The following SHC1 variants were observed in gnomAD, a reference collection of about 807,000 sequenced individuals.
SHC1 encodes the protein SHC-transforming protein 1.
In SHC1, 30 loss-of-function variants were observed where a neutral mutation model predicts 55.9. That is an observed-to-expected ratio of 0.54 (90% CI 0.40 to 0.73). SHC1 has a LOEUF of 0.73. Ranked by LOEUF, SHC1 falls within the 30% of genes least tolerant of loss-of-function variation. SHC1 has a pLI of 0.00. For synonymous variants in SHC1, 309 were observed against 306.1 expected (o/e 1.01, Z -0.10); for missense variants, 675 against 777.1 (o/e 0.87, Z 1.56).
chr1:154,971,176 G>T (rs934390213), upstream of SHC1, among the ~76,000 whole-genome samples: 5 of 152,024 alleles, frequency 3.3e-5, no homozygotes, highest in African/African-American at 1.2e-4. Context: ...TTGGACACTC[G>T]AATTCCCCCA....
chr1:154,972,482 G>A (rs756296402), upstream of SHC1, among the ~76,000 whole-genome samples: 3 of 152,002 alleles, frequency 2.0e-5, no homozygotes, highest in Non-Finnish European at 4.4e-5. Flanking sequence ...GCCAGCTCTC[G>A]GGCATAGAGA....
chr1:154,968,959 A>T (rs1656381751), intron 2 of SHC1, 125 bp from the exon 3 acceptor site: 1 of 827,684 alleles, frequency 1.2e-6, no homozygotes, highest in African/African-American at 1.7e-5. Flanking sequence ...GCTCTTTGTC[A>T]TGGTGGATTG....
At chr1:154,964,308 G>A (rs532782499) in intron 11 of SHC1, 8 of 471,054 alleles carry the variant, frequency 1.7e-5, no homozygotes, top group South Asian at 1.2e-4. Flanking sequence ...GGCCGAGGGA[G>A]GCGGATCACT....
intron 1 of SHC1, 36 bp downstream of exon 1, chr1:154,969,996 G>T (rs1012656158): frequency 1.2e-6 from 2 of 1,609,940 alleles, no homozygotes; most frequent in Non-Finnish European, 1.7e-6. Flanking sequence ...ACTGGAGGGG[G>T]TCTGCGGGGG....
intron 2 of SHC1, 107 bp from the exon 3 acceptor site, chr1:154,968,941 C>T (rs1656379699): frequency 3.2e-6 from 3 of 927,524 alleles, no homozygotes; most frequent in South Asian, 1.3e-5. Flanking sequence ...ACTCCCAGGG[C>T]ACTCCAGGCT....
upstream of SHC1, among the ~76,000 whole-genome samples, chr1:154,971,004 GGAA>G (rs1438248536): frequency 6.6e-6 from 1 of 152,130 alleles, no homozygotes; most frequent in East Asian, 1.9e-4. Flanking sequence ...GGGACGGAAA[GGAA>G]GGAGATAGGA....
In SHC1 at chr1:154,966,454, G is replaced by A; in HGVS notation, c.1047C>T (p.Tyr349=). ...GTTCCTTCCCCGGGAAGTCATTATA[G>A]TACTGATGGTCAGGTGGCTCTTCCT... The part of the protein sequence containing the change: ...EEEEEPPDHQ[Y]YNDFPGKEPP... The change falls in exon 8 of 12, where the codon TAC becomes TAT. Residue 349 remains tyrosine, a synonymous_variant. Transcript: ENST00000448116. 1 of 1,612,252 alleles carries A rather than the reference G, an allele frequency of 6.2e-7. No individual in the cohort carries two copies. Among genetic ancestry groups the A allele is most frequent in the Non-Finnish European group, 8.5e-7 (1 of 1,179,092 alleles).
intron 11 of SHC1, 116 bp downstream of exon 11, chr1:154,965,427 T>C (rs1319602694): frequency 8.1e-6 from 13 of 1,612,366 alleles, no homozygotes; most frequent in African/African-American, 4.0e-5. Context: ...GAGAGGCCCA[T>C]AGACAGCTGC....
intron 10 of SHC1, 82 bp from the exon 11 acceptor site, chr1:154,965,863 G>C: frequency 6.4e-7 from 1 of 1,574,626 alleles, no homozygotes; most frequent in Non-Finnish European, 8.7e-7. Context: ...GGGAAGTCAG[G>C]AAGGAAAGAG....
chr1:154,967,832 C>T, intron 6 of SHC1, 35 bp from the exon 7 acceptor site: 1 of 1,611,384 alleles, frequency 6.2e-7, no homozygotes, highest in Non-Finnish European at 8.5e-7. Context: ...GTGAGCTGAG[C>T]CCACTGGGAG....
chr1:154,970,199 C>T lies in SHC1; in HGVS notation c.328G>A (p.Asp110Asn), dbSNP rs1442029141. The T allele has an allele frequency of 6.2e-7, 1 of 1,613,804 alleles. No individual in the cohort carries two copies. Among genetic ancestry groups the T allele is most frequent in the Non-Finnish European group, 8.5e-7 (1 of 1,179,942 alleles). ...PDSGPLPLLQ[D>N]MNKLSGGGGR... ...CCGCCTCCACTCAGCTTGTTCATGT[C>T]CTGGAGGAGGGGTAGGGGGCCTGAG... is the stretch of plus-strand genomic sequence containing the variant. The change falls in exon 1 of 12, where the codon GAC (aspartate) becomes AAC (asparagine). Residue 110 changes from aspartate (D) to asparagine (N), a missense_variant. This residue lies in a region of SHC1 where 156 missense variants were observed against 159.1 expected (regional missense o/e 0.98). Coordinates refer to ENST00000448116, the MANE Select transcript of SHC1 (RefSeq NM_001130040.2). This position sits in a 1 kb window ranked among gnomAD's most constrained non-coding sequence, Gnocchi z 5.5.
In SHC1 at chr1:154,970,439, G is replaced by A. The variant is rs781296333; in HGVS notation, c.88C>T (p.Pro30Ser). ...GATGGGGAAGGCAGCTCCTCCGGGG[G>A]GGTGGACCCAGAAGCCCCTTCCTCC... ...SLEEGASGSTPPEELPSPSAS... is the reference protein window; with the variant it reads ...SLEEGASGSTSPEELPSPSAS... Residue 30 changes from proline (P) to serine (S), a missense_variant, in exon 1 of 12, where the codon CCC becomes TCC. By Grantham distance (74) the Pro-to-Ser change is moderately conservative (BLOSUM62 -1). Coordinates refer to ENST00000448116, the MANE Select transcript of SHC1 (RefSeq NM_001130040.2). The surrounding 1 kb of genome is among the most constrained non-coding windows in gnomAD (Gnocchi z 5.5). The A allele has an allele frequency of 1.9e-6, 3 of 1,611,088 alleles. No individual in the cohort carries two copies. Among genetic ancestry groups the A allele is most frequent in the South Asian group, 2.2e-5 (2 of 90,846 alleles).
At chr1:154,972,914 T>TA (rs200170115), upstream of SHC1, among the ~76,000 whole-genome samples, 997 of 144,158 alleles carry the variant, frequency 6.9e-3, 11 homozygotes, top group African/African-American at 0.021. Context: ...AACTGTCCCT[T>TA]AAAAAAAAAA....
rs1656654366 is a variant in SHC1, at chr1:154,970,679, C to T, written c.-153G>A. 3.5e-5 allele frequency: 20 copies of T among 568,772 alleles called. No individual in the cohort carries two copies. In the South Asian group the frequency reaches 4.4e-4, roughly 12 times the overall value. The allele number at this position is 568,772 out of a possible 1,614,324, so 35.2% of individuals were successfully genotyped here. On this transcript the variant is annotated 5_prime_UTR_variant, in exon 1 of 12. Coordinates refer to ENST00000448116, the MANE Select transcript of SHC1 (RefSeq NM_001130040.2). This position sits in a 1 kb window ranked among gnomAD's most constrained non-coding sequence, Gnocchi z 5.5. ...CCTGGGGAGGGAGAGGGACAAGTGG[C>T]TTCCGCTCCCCAGCTCAGACCCAGA... is the stretch of plus-strand genomic sequence containing the variant.
In SHC1 at chr1:154,968,012, G is replaced by C; in HGVS notation, c.824C>G (p.Ala275Gly). The C allele has an allele frequency of 1.9e-6, 3 of 1,614,124 alleles. No individual in the cohort carries two copies. The highest frequency in any genetic ancestry group is 2.5e-6 in the Non-Finnish European group (3 of 1,180,008). Residue 275 changes from alanine (A) to glycine (G), a missense_variant, in exon 6 of 12, where the codon GCC becomes GGC. Ala to Gly is a moderately conservative substitution (Grantham distance 60). Transcript: ENST00000448116. ...ATTCACAGGGTCTTTGGCAACATAG[G>C]CGACATACTCGGCTGTGTCCTGGGG... ...GGDPDTAEYVAYVAKDPVNQR... is the reference protein window; with the variant it reads ...GGDPDTAEYVGYVAKDPVNQR...
Position 154,968,624 on chromosome 1 carries a change from G to A in SHC1, c.631-10C>T, listed in dbSNP as rs748098800. ...GCGGGCGGCTACAGGGCTAAGGTAG[G>A]GCCCAGGGTCTCAGAAGGTGAGGGT... On this transcript the variant is annotated splice_polypyrimidine_tract_variant and intron_variant, in intron 3 of 11. Transcript: ENST00000448116. 6.2e-7 allele frequency: 1 copy of A among 1,614,018 alleles called. No homozygotes were observed. Among genetic ancestry groups the A allele is most frequent in the Admixed American group, 1.7e-5 (1 of 60,008 alleles).
In SHC1 at chr1:154,970,664, G is replaced by C. The variant is rs1656652261; in HGVS notation, c.-138C>G. 1.7e-6 allele frequency: 1 copy of C among 599,366 alleles called. No homozygotes were observed. Among genetic ancestry groups the C allele is most frequent in the Non-Finnish European group, 2.9e-6 (1 of 343,168 alleles). The allele number at this position is 599,366 out of a possible 1,614,324, so 37.1% of individuals were successfully genotyped here. On this transcript the variant is annotated 5_prime_UTR_variant, in exon 1 of 12. Coordinates refer to ENST00000448116, the MANE Select transcript of SHC1 (RefSeq NM_001130040.2). This position sits in a 1 kb window ranked among gnomAD's most constrained non-coding sequence, Gnocchi z 5.5. ...AGGAGTCACAGAAGTCCTGGGGAGG[G>C]AGAGGGACAAGTGGCTTCCGCTCCC...
rs757441105 is a variant in SHC1 at position 154,965,651 on chromosome 1, A to G, written c.1518T>C (p.Asn506=). ...RREAEALLQL[N]GDFLVRESTT... is the part of the protein sequence containing the mutation. ...TGCTCTCCCGTACCAGGAAGTCCCC[A>G]TTGAGCTGCAGCAGTGCCTCAGCCT... Residue 506 remains asparagine (N), a synonymous_variant, in exon 11 of 12, where the codon AAT becomes AAC. Transcript: ENST00000448116. 6.2e-7 allele frequency: 1 copy of G among 1,613,938 alleles called. No homozygotes were observed. Among genetic ancestry groups the G allele is most frequent in the Non-Finnish European group, 8.5e-7 (1 of 1,179,966 alleles).
intron 7 of SHC1, 101 bp downstream of exon 7, chr1:154,967,570 G>A: frequency 6.9e-6 from 9 of 1,308,370 alleles, no homozygotes; most frequent in Non-Finnish European, 9.6e-6. Context: ...AGGCACACAG[G>A]TTATTCCCTC....
Sources: allele counts gnomAD v4.1 joint callset (sites outside exome capture counted in the v4.1 genomes callset), GRCh38; gene constraint gnomAD v4.1.1; regional missense constraint gnomAD v4.1.1; non-coding constraint Gnocchi (gnomAD v3.1); transcripts MANE v1.5; gene names NCBI Gene and HGNC (gene_info 2026-07-23, HGNC 2026-07-21).